The following PTPRT variants were observed in gnomAD, a reference collection of about 807,000 sequenced individuals.
PTPRT encodes the protein receptor-type tyrosine-protein phosphatase T.
A neutral mutation model predicts 176.8 loss-of-function variants in PTPRT; 56 were observed. The observed-to-expected ratio is 0.32, with a 90% CI of 0.26 to 0.40. PTPRT has a LOEUF of 0.40. Ranked by LOEUF, PTPRT falls within the 10% of genes least tolerant of loss-of-function variation. The pLI is 1.00. For synonymous variants in PTPRT, 783 were observed against 739.0 expected (o/e 1.06, Z -0.96); for missense variants, 1,540 against 1,908.2 (o/e 0.81, Z 3.60).
chr20:42,311,740 T>G (rs1390643968), intron 12 of PTPRT, among the ~76,000 whole-genome samples: 1 of 152,164 alleles, frequency 6.6e-6, no homozygotes. Flanking sequence ...TCTGGCTTTT[T>G]TTATAGTTTT....
At chr20:42,905,716 A>C (rs995099165) in intron 1 of PTPRT, among the ~76,000 whole-genome samples, 2 of 152,246 alleles carry the variant, frequency 1.3e-5, no homozygotes, top group Non-Finnish European at 2.9e-5. Flanking sequence ...GCACATATAC[A>C]CCATGGAATA....
chr20:42,472,843 T>C (rs2071222827), intron 7 of PTPRT, among the ~76,000 whole-genome samples: 1 of 152,202 alleles, frequency 6.6e-6, no homozygotes, highest in Non-Finnish European at 1.5e-5. Flanking sequence ...TGTGAAATTG[T>C]TAAATTCTTA....
chr20:42,610,468 T>C (rs1298476392), intron 7 of PTPRT, among the ~76,000 whole-genome samples: 1 of 150,150 alleles, frequency 6.7e-6, no homozygotes, highest in Non-Finnish European at 1.5e-5. Flanking sequence ...AATCCTCCCA[T>C]CTTGGCCTCC....
rs765673217 is a variant in PTPRT, at chr20:42,931,399, T to C, written c.89-45467A>G. On this transcript the variant is annotated intron_variant, in intron 1 of 30. Transcript: ENST00000373187. Reference sequence around the variant, plus strand: ...GAGAGAAAACTGGCCAGAACCTTGATGTGGGACTTCCAGACTGTGAGAAAA... The same window carrying C: ...GAGAGAAAACTGGCCAGAACCTTGACGTGGGACTTCCAGACTGTGAGAAAA... Among the ~76,000 whole-genome samples the C allele has an allele frequency of 1.2e-4, 18 of 152,202 alleles. No individual in the cohort carries two copies. In the South Asian group the frequency reaches 1.5e-3, roughly 12 times the overall value.
At chr20:42,422,578 G>A (rs979649798) in intron 9 of PTPRT, among the ~76,000 whole-genome samples, 1 of 152,162 alleles carries the variant, frequency 6.6e-6, no homozygotes, top group Non-Finnish European at 1.5e-5. Context: ...GGAGAAAAAG[G>A]AACACTTATA....
At chr20:43,060,945 T>C (rs138404114) in intron 1 of PTPRT, among the ~76,000 whole-genome samples, 1 of 152,136 alleles carries the variant, frequency 6.6e-6, no homozygotes, top group Admixed American at 6.5e-5. Context: ...TTCTAACCCA[T>C]ATATTTAAGA....
At chr20:42,423,025 C>A (rs1313209025) in intron 9 of PTPRT, among the ~76,000 whole-genome samples, 1 of 151,954 alleles carries the variant, frequency 6.6e-6, no homozygotes, top group Non-Finnish European at 1.5e-5. Context: ...AGGGACACAA[C>A]ACACACTGGG....
chr20:42,640,166 G>A (rs1479151457), intron 7 of PTPRT, among the ~76,000 whole-genome samples: 1 of 152,106 alleles, frequency 6.6e-6, no homozygotes. Context: ...TGCACCTTGT[G>A]TTACTTGAAC....
chr20:42,992,332 T>C (rs1180107760), intron 1 of PTPRT, among the ~76,000 whole-genome samples: 1 of 152,200 alleles, frequency 6.6e-6, no homozygotes, highest in Admixed American at 6.5e-5. Context: ...TCATATATAG[T>C]GTCAATGCAC....
intron 6 of PTPRT, among the ~76,000 whole-genome samples, chr20:42,706,354 C>G (rs1438259541): frequency 6.6e-6 from 1 of 152,032 alleles, no homozygotes; most frequent in Non-Finnish European, 1.5e-5. Flanking sequence ...ATTGGCTCAT[C>G]TTTGCAACCA....
chr20:43,131,953 A>T (rs956724889), intron 1 of PTPRT, among the ~76,000 whole-genome samples: 1 of 152,158 alleles, frequency 6.6e-6, no homozygotes, highest in African/African-American at 2.4e-5. Context: ...CTGAGCTAAT[A>T]AGAAAAAAAA....
At chr20:42,614,941 T>C (rs1388001262) in intron 7 of PTPRT, among the ~76,000 whole-genome samples, 1 of 141,914 alleles carries the variant, frequency 7.0e-6, no homozygotes, top group African/African-American at 2.8e-5. Context: ...TTTTCTATTT[T>C]TTTTTTAATT....
At chr20:42,330,546 A>C (rs767508986) in intron 11 of PTPRT, among the ~76,000 whole-genome samples, 5 of 152,006 alleles carry the variant, frequency 3.3e-5, no homozygotes, top group Admixed American at 2.6e-4. Context: ...TATGTTAATA[A>C]CTCAATTAAA....
intron 7 of PTPRT, among the ~76,000 whole-genome samples, chr20:42,550,413 T>C (rs1268694859): frequency 6.6e-6 from 1 of 152,142 alleles, no homozygotes; most frequent in Non-Finnish European, 1.5e-5. Flanking sequence ...CCTGAGCTTT[T>C]AAATTATATG....
At chr20:42,623,964 C>T (rs1450360680) in intron 7 of PTPRT, among the ~76,000 whole-genome samples, 1 of 146,980 alleles carries the variant, frequency 6.8e-6, no homozygotes, top group African/African-American at 2.7e-5. Flanking sequence ...TCATACCCTG[C>T]CACACCTGCC....
At position 42,178,506 on chromosome 20, in the gene PTPRT, AAATT is replaced by A. The variant is rs371553650; in HGVS notation, c.2492-16968_2492-16965del. 8.7e-3 allele frequency among the ~76,000 whole-genome samples: 1,322 copies of A among 152,322 alleles called. 21 individuals carry two copies. Among genetic ancestry groups the A allele is most frequent in the African/African-American group, 0.03 (1,227 of 41,576 alleles). On this transcript the variant is annotated intron_variant, in intron 16 of 30. Coordinates refer to ENST00000373187, the MANE Select transcript of PTPRT (RefSeq NM_007050.6). ...TACTTATTAGTCAAAGGCTTTGGGCAAATTAATTAACATCTCACATGTTAAGCCA... is the reference window on the plus strand; with the variant it reads ...TACTTATTAGTCAAAGGCTTTGGGCAAATTAACATCTCACATGTTAAGCCA...
At chr20:42,529,310 G>A (rs2072334755) in intron 7 of PTPRT, among the ~76,000 whole-genome samples, 1 of 152,080 alleles carries the variant, frequency 6.6e-6, no homozygotes, top group Non-Finnish European at 1.5e-5. Flanking sequence ...AATAGTACGG[G>A]GAAGGGCACC....
chr20:42,345,486 A>C (rs1600864650), intron 11 of PTPRT, among the ~76,000 whole-genome samples: 1 of 149,126 alleles, frequency 6.7e-6, no homozygotes, highest in Non-Finnish European at 1.5e-5. Context: ...GTTACTATAG[A>C]TATACACATA....
At chr20:42,758,177 G>T (rs1483069209) in intron 5 of PTPRT, among the ~76,000 whole-genome samples, 1 of 152,120 alleles carries the variant, frequency 6.6e-6, no homozygotes, top group Non-Finnish European at 1.5e-5. Flanking sequence ...TAATTATCTG[G>T]ACTTAGGGAA....
Sources: gnomAD v4.1 joint callset for allele counts (sites outside exome capture counted in the v4.1 genomes callset) on GRCh38, gnomAD v4.1.1 for gene constraint, MANE v1.5 for transcripts, NCBI Gene and HGNC (gene_info 2026-07-23, HGNC 2026-07-21) for gene names.